FBXL17: variants seen among roughly 807,000 people sequenced by gnomAD.
FBXL17 encodes the protein F-box and leucine rich repeat protein 17, also known as F-box/LRR-repeat protein 17.
FBXL17 carries 22 observed loss-of-function variants against 66.2 expected under a neutral mutation model. That is an observed-to-expected ratio of 0.33 (90% CI 0.24 to 0.47). FBXL17 has a LOEUF of 0.47. FBXL17 is among the 20% of genes least tolerant of loss of function. FBXL17 has a pLI of 1.00. For missense variants in FBXL17, 878 were observed against 948.2 expected, an observed-to-expected ratio of 0.93 and a Z score of 0.97; for synonymous variants, 474 against 400.5, an observed-to-expected ratio of 1.18 and a Z score of -2.19.
At position 108,035,938 on chromosome 5, in the gene FBXL17, T is replaced by A. The variant is rs371089831; in HGVS notation, c.1746-14937A>T. ...TTGTGAAAAATAACAATGAAAATAC[T>A]AAATTGTACAATTAATAAAAGGAAA... On this transcript the variant is annotated intron_variant, in intron 6 of 8. Transcript: ENST00000542267. Among the ~76,000 whole-genome samples the A allele has an allele frequency of 3.0e-3, 460 of 152,346 alleles. 2 individuals carry two copies. The highest frequency in any genetic ancestry group is 0.01 in the African/African-American group (430 of 41,586).
In FBXL17 at chr5:108,223,726, T is replaced by G. The variant is rs929896029; in HGVS notation, c.1614+395A>C. Among the ~76,000 whole-genome samples the G allele has an allele frequency of 4.6e-5, 7 of 152,184 alleles. No homozygotes were observed. In the East Asian group the frequency reaches 1.2e-3, roughly 25 times the overall value. The stretch of plus-strand genomic sequence containing the variant: ...CATATATTCACCTCTCTTTTCACCT[T>G]ACATATTCAGCTTGATAATATGCAC... On this transcript the variant is annotated intron_variant, in intron 5 of 8. Transcript: ENST00000542267.
chr5:108,164,667 C>T (rs551092967), intron 6 of FBXL17, among the ~76,000 whole-genome samples: 15 of 152,220 alleles, frequency 9.9e-5, no homozygotes, highest in African/African-American at 3.6e-4. Context: ...AGGAACTATT[C>T]TAAGTACTTC....
At chr5:107,968,210 CT>C (rs1046824868) in intron 7 of FBXL17, among the ~76,000 whole-genome samples, 1 of 151,982 alleles carries the variant, frequency 6.6e-6, no homozygotes, top group Non-Finnish European at 1.5e-5. Context: ...ATGAAGAGCT[CT>C]TTTTTTCAGA....
intron 6 of FBXL17, among the ~76,000 whole-genome samples, chr5:108,174,598 C>T (rs1752723043): frequency 6.6e-6 from 1 of 151,976 alleles, no homozygotes; most frequent in African/African-American, 2.4e-5. Flanking sequence ...GTGAACCTGG[C>T]CTTAATCAGT....
Position 108,139,397 on chromosome 5 carries a change from C to T in FBXL17, c.1745+46720G>A, listed in dbSNP as rs192202047. 2.0e-5 allele frequency among the ~76,000 whole-genome samples: 3 copies of T among 152,320 alleles called. No individual in the cohort carries two copies. The East Asian group carries it at 5.8e-4, about 29-fold the overall frequency. On this transcript the variant is annotated intron_variant, in intron 6 of 8. Coordinates refer to ENST00000542267, the MANE Select transcript of FBXL17 (RefSeq NM_001163315.3). ...GGTGTCTTATACCATCTTGGATTCA[C>T]AGCACCTCCAGTTTCAGTTTCAATC...
intron 7 of FBXL17, among the ~76,000 whole-genome samples, chr5:107,996,330 T>C (rs1434509879): frequency 2.6e-5 from 4 of 152,220 alleles, no homozygotes; most frequent in Admixed American, 2.6e-4. Context: ...TGTTTGTTTG[T>C]TGGAGACCGA....
chr5:108,352,827 T>TA (rs1747739503), intron 3 of FBXL17, among the ~76,000 whole-genome samples: 2 of 151,460 alleles, frequency 1.3e-5, no homozygotes, highest in African/African-American at 4.8e-5. Context: ...TTCTTCTAAA[T>TA]AAAAAATTAT....
At chr5:108,123,389 A>G (rs1750579198) in intron 6 of FBXL17, among the ~76,000 whole-genome samples, 1 of 152,192 alleles carries the variant, frequency 6.6e-6, no homozygotes, top group Non-Finnish European at 1.5e-5. Flanking sequence ...AACTACCCAA[A>G]GATCAGCAAC....
At chr5:107,904,789 C>T (rs1749697555) in intron 7 of FBXL17, among the ~76,000 whole-genome samples, 1 of 152,120 alleles carries the variant, frequency 6.6e-6, no homozygotes, top group African/African-American at 2.4e-5. Context: ...AATATCCATG[C>T]TTATATATTA....
At chr5:108,051,203 T>C (rs185558906) in intron 6 of FBXL17, among the ~76,000 whole-genome samples, 1 of 152,212 alleles carries the variant, frequency 6.6e-6, no homozygotes, top group African/African-American at 2.4e-5. Flanking sequence ...TCCAAACAAT[T>C]GAAAAGGAGG....
intron 5 of FBXL17, among the ~76,000 whole-genome samples, chr5:108,218,827 G>A (rs2922421): frequency 0.75 from 113,937 of 152,034 alleles, 43,070 homozygotes; most frequent in East Asian, 0.93. Context: ...TTGGATAGTA[G>A]CTCCTTATCA....
At chr5:107,994,442 A>G (rs922338906) in intron 7 of FBXL17, among the ~76,000 whole-genome samples, 1 of 152,026 alleles carries the variant, frequency 6.6e-6, no homozygotes, top group Non-Finnish European at 1.5e-5. Flanking sequence ...CTCTTCTTTG[A>G]GGCCACAGGT....
chr5:108,035,094 T>C (rs1014755599), intron 6 of FBXL17, among the ~76,000 whole-genome samples: 2 of 152,188 alleles, frequency 1.3e-5, no homozygotes, highest in Non-Finnish European at 2.9e-5. Flanking sequence ...TTTAAAGAAA[T>C]TGATCTCTCA....
At chr5:107,870,381 G>A (rs1748405852) in intron 8 of FBXL17, among the ~76,000 whole-genome samples, 1 of 152,138 alleles carries the variant, frequency 6.6e-6, no homozygotes, top group African/African-American at 2.4e-5. Flanking sequence ...TTCTTTGAAA[G>A]TGGTAAAAAT....
intron 1 of FBXL17, among the ~76,000 whole-genome samples, chr5:108,368,245 T>C (rs1043444278): frequency 8.6e-5 from 13 of 151,286 alleles, no homozygotes; most frequent in Non-Finnish European, 8.8e-5. Context: ...AAAAAAAGAA[T>C]TGAAAGCATT....
rs540321861 is a variant in FBXL17 at position 108,370,361 on chromosome 5, C to T, written c.994-2408G>A. Among the ~76,000 whole-genome samples, 5 of 152,284 alleles carry T rather than the reference C, an allele frequency of 3.3e-5. 2 individuals carry two copies. The highest frequency in any genetic ancestry group is 1.2e-4 in the African/African-American group (5 of 41,568). On this transcript the variant is annotated intron_variant, in intron 1 of 8. Coordinates refer to ENST00000542267, the MANE Select transcript of FBXL17 (RefSeq NM_001163315.3). ...GTAAACATATAAGCTAGAATCTCTA[C>T]TATGTTTAAATCTTGGGCCTCGGGA...
chr5:108,056,390 G>T (rs1299288847), intron 6 of FBXL17, among the ~76,000 whole-genome samples: 1 of 152,174 alleles, frequency 6.6e-6, no homozygotes, highest in African/African-American at 2.4e-5. Context: ...ACAGGTAGTG[G>T]GGAATAATTT....
In FBXL17 at chr5:107,973,843, TAA is replaced by T. The variant is rs34972473; in HGVS notation, c.1822+47080_1822+47081del. Among the ~76,000 whole-genome samples the T allele has an allele frequency of 1.5e-3, 211 of 139,148 alleles. 1 individual carries two copies. The highest frequency in any genetic ancestry group is 3.6e-3 in the Middle Eastern group (1 of 274). The allele number at this position is 139,148 out of a possible 152,430, so 91.3% of individuals were successfully genotyped here. On this transcript the variant is annotated intron_variant, in intron 7 of 8. Coordinates refer to ENST00000542267, the MANE Select transcript of FBXL17 (RefSeq NM_001163315.3). ...TATGGTAAAGACTTTGGGGGTAATC[TAA>T]AAAAAAAAAAAAAATACACTTAACT...
At chr5:108,184,597 G>A (rs560820726) in intron 6 of FBXL17, among the ~76,000 whole-genome samples, 16 of 151,422 alleles carry the variant, frequency 1.1e-4, no homozygotes, top group Non-Finnish European at 2.1e-4. Flanking sequence ...GTGAGCCACC[G>A]TGCCCAGCCA....
Sources: gnomAD v4.1 joint callset for allele counts (sites outside exome capture counted in the v4.1 genomes callset) on GRCh38, gnomAD v4.1.1 for gene constraint, MANE v1.5 for transcripts, NCBI Gene and HGNC (gene_info 2026-07-23, HGNC 2026-07-21) for gene names.